Variants in CEP43 observed in about 807,000 individuals in gnomAD.
CEP43 encodes FGFR1 oncogene partner.
CEP43 carries 36 observed loss-of-function variants against 52.6 expected under a neutral mutation model. That is an observed-to-expected ratio of 0.68 (90% CI 0.52 to 0.90). The LOEUF is 0.90. Ranked by LOEUF, CEP43 falls within the 40% of genes least tolerant of loss-of-function variation. The pLI is 0.00. For missense variants in CEP43, 506 were observed against 472.8 expected (o/e 1.07, Z -0.65); for synonymous variants, 192 against 172.4 (o/e 1.11, Z -0.89).
intron 8 of CEP43, among the ~76,000 whole-genome samples, chr6:167,023,483 G>A (rs187539968): frequency 2.7e-4 from 41 of 152,320 alleles, no homozygotes; most frequent in African/African-American, 8.9e-4. Flanking sequence ...ACAGACAGGT[G>A]GCATGACAGC....
chr6:167,017,988 A>G (rs1780140594), intron 7 of CEP43, among the ~76,000 whole-genome samples: 1 of 152,212 alleles, frequency 6.6e-6, no homozygotes. Flanking sequence ...GTGTTGTGTC[A>G]CAGTTCTAGA....
At chr6:167,004,647 C>G (rs1213065697) in intron 5 of CEP43, among the ~76,000 whole-genome samples, 1 of 55,794 alleles carries the variant, frequency 1.8e-5, no homozygotes, top group Admixed American at 2.4e-4. Context: ...ATGAGCTAAA[C>G]TGTCTGGAAC....
intron 12 of CEP43, among the ~76,000 whole-genome samples, chr6:167,034,268 A>G (rs1780535599): frequency 6.6e-6 from 1 of 152,104 alleles, no homozygotes; most frequent in Non-Finnish European, 1.5e-5. Flanking sequence ...CTTAGTGAGA[A>G]TTGACCACCT....
rs75165982 is a variant in CEP43, at chr6:167,013,744, C to T, written c.579+177C>T. ...ATCCCAGCACTTTGGGAGTCCAAGG[C>T]GGGCGGATCACTTGAGGTCAGGAGT... On this transcript the variant is annotated intron_variant, in intron 7 of 12. Coordinates refer to ENST00000366847, the MANE Select transcript of CEP43 (RefSeq NM_007045.4). 0.027 allele frequency among the ~76,000 whole-genome samples: 4,136 copies of T among 152,242 alleles called. 167 individuals are homozygous for T. The highest frequency in any genetic ancestry group is 0.09 in the East Asian group (463 of 5,172).
chr6:167,017,397 G>T, intron 7 of CEP43, among the ~76,000 whole-genome samples: 1 of 152,140 alleles, frequency 6.6e-6, no homozygotes. Context: ...GCATATGGGA[G>T]GATGTGTGTA....
chr6:167,010,893 G>A lies in CEP43; in HGVS notation c.519G>A (p.Lys173=). 1 of 1,584,588 alleles carries A rather than the reference G, an allele frequency of 6.3e-7. No homozygotes were observed. Among genetic ancestry groups the A allele is most frequent in the Non-Finnish European group, 8.6e-7 (1 of 1,164,160 alleles). ...GKTSAQTTPS[K]IPRYKGQGKK... is the part of the protein sequence containing the mutation. The stretch of plus-strand genomic sequence containing the variant: ...CAAGTGCACAGACAACACCAAGTAA[G>A]GTGAGTTAGCTGTGGAACACGGAAG... The change falls in exon 6 of 13, where the codon AAG becomes AAA. Residue 173 remains lysine, a splice_region_variant and synonymous_variant. Coordinates refer to ENST00000366847, the MANE Select transcript of CEP43 (RefSeq NM_007045.4).
intron 10 of CEP43, among the ~76,000 whole-genome samples, chr6:167,028,774 G>A (rs1249576524): frequency 1.3e-5 from 2 of 152,146 alleles, no homozygotes; most frequent in African/African-American, 2.4e-5. Flanking sequence ...ATCACACAGA[G>A]CCCTCACCAC....
intron 7 of CEP43, 150 bp from the exon 8 acceptor site, chr6:167,022,259 A>AACAC (rs35327997): frequency 0.13 from 68,110 of 540,126 alleles, 1,848 homozygotes; most frequent in Middle Eastern, 0.19. Context: ...GAGCTGCCCC[A>AACAC]ACACACACAC....
In CEP43 at chr6:167,046,389, A is replaced by G. The variant is rs1582965734; in HGVS notation, c.*6411A>G. 2.0e-5 allele frequency: 3 copies of G among 152,240 alleles called. No individual in the cohort carries two copies. The East Asian group carries it at 5.8e-4, about 29-fold the overall frequency. 9.4% of individuals were successfully genotyped at this position (152,240 alleles called of 1,614,324 possible). A position where few individuals can be genotyped will look rare whatever the true frequency, so the allele number is the denominator to read the frequency against. ...ATGGAATGGAGGAAGGGAAAAATGG[A>G]AGGAGGAAGGAAGGAAGGGAAAGAA... is the stretch of plus-strand genomic sequence containing the variant. On this transcript the variant is annotated 3_prime_UTR_variant, in exon 13 of 13. Transcript: ENST00000366847.
chr6:167,041,401 T>C lies in CEP43; in HGVS notation c.*1423T>C, dbSNP rs1780690824. 9.4e-7 allele frequency: 1 copy of C among 1,061,434 alleles called. No homozygotes were observed. Among genetic ancestry groups the C allele is most frequent in the East Asian group, 5.1e-5 (1 of 19,574 alleles). 65.8% of individuals were successfully genotyped at this position (1,061,434 alleles called of 1,614,324 possible). ...GCCGGTACAGCCTGGGAGCCCTGTGTATTTCTGCCCTCCGTCTGTGAGCTG... is the reference window on the plus strand; with the variant it reads ...GCCGGTACAGCCTGGGAGCCCTGTGCATTTCTGCCCTCCGTCTGTGAGCTG... On this transcript the variant is annotated 3_prime_UTR_variant, in exon 13 of 13. Transcript: ENST00000366847.
chr6:167,037,048 C>A (rs565203235), intron 12 of CEP43, among the ~76,000 whole-genome samples: 3 of 152,272 alleles, frequency 2.0e-5, no homozygotes, highest in African/African-American at 7.2e-5. Context: ...TCTTGTGATC[C>A]CCCCGCCTTG....
rs1430273507 is a variant in CEP43, at chr6:167,045,749, C to T, written c.*5771C>T. The T allele has an allele frequency of 6.6e-6, 1 of 152,310 alleles. No homozygotes were observed. Among genetic ancestry groups the T allele is most frequent in the Non-Finnish European group, 1.5e-5 (1 of 68,182 alleles). The allele number at this position is 152,310 out of a possible 1,614,324, so 9.4% of individuals were successfully genotyped here. ...GACTCCGTCTCAAAAACAACAACAACAACGAAAAAACGATTTTGGCATGTT... is the reference window on the plus strand; with the variant it reads ...GACTCCGTCTCAAAAACAACAACAATAACGAAAAAACGATTTTGGCATGTT... On this transcript the variant is annotated 3_prime_UTR_variant, in exon 13 of 13. Coordinates refer to ENST00000366847, the MANE Select transcript of CEP43 (RefSeq NM_007045.4).
In CEP43 at chr6:167,040,592, GT is replaced by G. The variant is rs1405960691; in HGVS notation, c.*618del. The G allele has an allele frequency of 4.8e-6, 5 of 1,047,438 alleles. No homozygotes were observed. The highest frequency in any genetic ancestry group is 5.8e-6 in the Non-Finnish European group (5 of 866,138). The allele number at this position is 1,047,438 out of a possible 1,614,324, so 64.9% of individuals were successfully genotyped here. On this transcript the variant is annotated 3_prime_UTR_variant, in exon 13 of 13. Coordinates refer to ENST00000366847, the MANE Select transcript of CEP43 (RefSeq NM_007045.4). ...TTGTGTGTGCTATTTAGTTTTGCTT[GT>G]TTTAAAGAAATCTAGAAGTGGTTAT...
rs1780259724 is a variant in CEP43, at chr6:167,022,492, C to A, written c.663C>A (p.Ser221=). Residue 221 remains serine, a synonymous_variant, in exon 8 of 13, where the codon TCC becomes TCA. Coordinates refer to ENST00000366847, the MANE Select transcript of CEP43 (RefSeq NM_007045.4). ...PKSKSSLHLL[S]HETKIGSFLS... ...GCAAAAGCAGCCTTCACTTACTGTC[C>A]CATGAAACAAAAATTGGATCTTTTC... 2.5e-6 allele frequency: 4 copies of A among 1,613,874 alleles called. No individual in the cohort carries two copies.
chr6:167,039,899 C>G lies in CEP43; in HGVS notation c.1126-5C>G, dbSNP rs756253718. Reference sequence around the variant, plus strand: ...TAATTATTTTCTTTCTTTTGAACAACAAAGCTTGATGACCTCACACAAGAT... The same window carrying G: ...TAATTATTTTCTTTCTTTTGAACAAGAAAGCTTGATGACCTCACACAAGAT... On this transcript the variant is annotated splice_polypyrimidine_tract_variant and splice_region_variant and intron_variant, in intron 12 of 12. Transcript: ENST00000366847. 9.9e-6 allele frequency: 16 copies of G among 1,612,786 alleles called. No homozygotes were observed. Among genetic ancestry groups the G allele is most frequent in the Non-Finnish European group, 1.4e-5 (16 of 1,179,330 alleles).
At chr6:167,026,733 A>G in intron 10 of CEP43, 118 bp downstream of exon 10, 1 of 666,538 alleles carries the variant, frequency 1.5e-6, no homozygotes, top group East Asian at 2.7e-5. Flanking sequence ...CTGCTCATTC[A>G]GCAGGTGTTT....
At chr6:167,028,012 C>T (rs1457959784) in intron 10 of CEP43, 1 of 985,746 alleles carries the variant, frequency 1.0e-6, no homozygotes, top group Non-Finnish European at 1.2e-6. Context: ...GCCTCCTTTC[C>T]CTCCCTTGTG....
chr6:167,039,054 G>C (rs1017188972), intron 12 of CEP43, among the ~76,000 whole-genome samples: 1 of 152,070 alleles, frequency 6.6e-6, no homozygotes, highest in East Asian at 1.9e-4. Flanking sequence ...TGTGATGTTT[G>C]GTTTTCCATT....
Position 167,041,844 on chromosome 6 carries a change from G to GCGCCC in CEP43, c.*1866_*1867insCGCCC. The stretch of plus-strand genomic sequence containing the variant: ...TCTTTTTTTTGCGGGGGGCGGGGGG[G>GCGCCC]ACAGAGTCTCACTGTGTCACTCAGA... On this transcript the variant is annotated 3_prime_UTR_variant, in exon 13 of 13. Transcript: ENST00000366847. 1 of 144,926 alleles carries GCGCCC rather than the reference G, an allele frequency of 6.9e-6. No homozygotes were observed. The highest frequency in any genetic ancestry group is 1.2e-5 in the Non-Finnish European group (1 of 80,400). 9.0% of individuals were successfully genotyped at this position (144,926 alleles called of 1,614,324 possible). A position where few individuals can be genotyped will look rare whatever the true frequency, so the allele number is the denominator to read the frequency against.
Sources: allele counts gnomAD v4.1 joint callset (sites outside exome capture counted in the v4.1 genomes callset), GRCh38; gene constraint gnomAD v4.1.1; transcripts MANE v1.5; gene names NCBI Gene and HGNC (gene_info 2026-07-23, HGNC 2026-07-21).